HIVEP3: variants seen among roughly 807,000 people sequenced by gnomAD.
The protein encoded by HIVEP3 is HIVEP zinc finger 3.
HIVEP3 carries 49 observed loss-of-function variants against 152.8 expected under a neutral mutation model. The observed-to-expected ratio is 0.32, with a 90% CI of 0.26 to 0.41. The LOEUF (loss-of-function observed/expected upper bound fraction) is 0.41. Among genes scored for constraint, HIVEP3 ranks in the 10% least tolerant of loss-of-function variants. HIVEP3 has a pLI of 1.00. For synonymous variants in HIVEP3, 1,269 were observed against 1,289.0 expected (o/e 0.98, Z 0.33); for missense variants, 2,790 against 3,103.3 (o/e 0.90, Z 2.40).
chr1:41,712,745 C>CGGCA (rs1290130636), intron 1 of HIVEP3, among the ~76,000 whole-genome samples: 28 of 152,312 alleles, frequency 1.8e-4, no homozygotes, highest in African/African-American at 6.7e-4. Context: ...CTGCATGGCC[C>CGGCA]GGCAGCCCCT....
chr1:41,868,395 T>A (rs1052326901), intron 1 of HIVEP3, among the ~76,000 whole-genome samples: 2 of 152,076 alleles, frequency 1.3e-5, no homozygotes, highest in African/African-American at 4.8e-5. Context: ...ACACTGTGTA[T>A]CAATTTGCAC....
Position 41,581,204 on chromosome 1 carries a change from C to A in HIVEP3, c.3594G>T (p.Leu1198=). Residue 1198 remains leucine (L), a synonymous_variant, in exon 4 of 9, where the codon CTG becomes CTT. Transcript: ENST00000372583. This position sits in a 1 kb window ranked among gnomAD's most constrained non-coding sequence, Gnocchi z 4.5. Reference sequence around the variant, plus strand: ...GGGGGAGATGGAGTTGGCCTGGGTGCAGAACAGTAGGCTGGAGAGGAAGCG... The same window carrying A: ...GGGGGAGATGGAGTTGGCCTGGGTGAAGAACAGTAGGCTGGAGAGGAAGCG... The part of the protein sequence containing the change: ...APPLPLQPTV[L]HPGQLHLPQL... 1.9e-6 allele frequency: 3 copies of A among 1,562,166 alleles called. No homozygotes were observed. Among genetic ancestry groups the A allele is most frequent in the Non-Finnish European group, 2.6e-6 (3 of 1,154,282 alleles).
At chr1:41,910,230 G>A (rs541552211) in intron 1 of HIVEP3, among the ~76,000 whole-genome samples, 2 of 151,786 alleles carry the variant, frequency 1.3e-5, no homozygotes, top group East Asian at 1.9e-4. Flanking sequence ...ATGAAAAGTG[G>A]ACATAACCAC....
chr1:42,011,252 T>C (rs1182508575), intron 1 of HIVEP3, among the ~76,000 whole-genome samples: 3 of 152,206 alleles, frequency 2.0e-5, no homozygotes, highest in African/African-American at 7.2e-5. Flanking sequence ...TTCAATTCTT[T>C]TGACAATGTA....
At chr1:41,644,156 G>C (rs1020652034) in intron 2 of HIVEP3, among the ~76,000 whole-genome samples, 1 of 152,038 alleles carries the variant, frequency 6.6e-6, no homozygotes, top group African/African-American at 2.4e-5. Flanking sequence ...AAAGTGCTGG[G>C]ATTACAGGTG....
In HIVEP3 at chr1:41,513,630, T is replaced by A; in HGVS notation, c.5591A>T (p.Asp1864Val). The A allele has an allele frequency of 6.2e-7, 1 of 1,613,996 alleles. No homozygotes were observed. Among genetic ancestry groups the A allele is most frequent in the Non-Finnish European group, 8.5e-7 (1 of 1,180,008 alleles). The change falls in exon 8 of 9, where the codon GAT becomes GTT. Residue 1864 changes from aspartate (D) to valine (V), a missense_variant. Physicochemically the swap from Asp to Val is radical, Grantham distance 152. Around this residue, in one of 9 missense-constraint regions of HIVEP3, gnomAD observed 816 missense variants for 806.5 expected, o/e 1.01. Transcript: ENST00000372583. ...ATCCTGGCTCTCCTCCTCATCCTCATCCTCGTCTTCGTCCAGGTCTGAGTC... is the reference window on the plus strand; with the variant it reads ...ATCCTGGCTCTCCTCCTCATCCTCAACCTCGTCTTCGTCCAGGTCTGAGTC... ...DSDSDLDEDE[D>V]EDEEESQDEL...
intron 1 of HIVEP3, among the ~76,000 whole-genome samples, chr1:41,998,887 C>CTTT (rs1184823372): frequency 0.26 from 19,185 of 74,494 alleles, 4,147 homozygotes; most frequent in East Asian, 0.5. Context: ...TTTTCTCTCT[C>CTTT]TCTTTTTTTT....
In HIVEP3 at chr1:41,584,351, A is replaced by C. The variant is rs1644470159; in HGVS notation, c.447T>G (p.Ala149=). ...GAAGGTCCTCGGGGGGAATGATGGA[A>C]GCGTGGGAAGGAAGGAGCTGGCTCT... ...HPQSQLLPSH[A]SIIPPEDLPG... is the part of the protein sequence containing the mutation. The change falls in exon 4 of 9, where the codon GCT becomes GCG. Residue 149 remains alanine, a synonymous_variant. Coordinates refer to ENST00000372583, the MANE Select transcript of HIVEP3 (RefSeq NM_024503.5). This position sits in a 1 kb window ranked among gnomAD's most constrained non-coding sequence, Gnocchi z 5.2. 2 of 1,613,686 alleles carry C rather than the reference A, an allele frequency of 1.2e-6. No homozygotes were observed. The highest frequency in any genetic ancestry group is 1.7e-6 in the Non-Finnish European group (2 of 1,179,866).
At chr1:41,764,807 C>T (rs80033065) in intron 1 of HIVEP3, among the ~76,000 whole-genome samples, 4,007 of 152,246 alleles carry the variant, frequency 0.026, 237 homozygotes, top group Admixed American at 0.15. Flanking sequence ...TTTGACAATC[C>T]GTCAGCTGAG....
chr1:41,758,671 G>T (rs993278482), intron 1 of HIVEP3, among the ~76,000 whole-genome samples: 2 of 152,196 alleles, frequency 1.3e-5, no homozygotes, highest in African/African-American at 4.8e-5. Flanking sequence ...TACATTGTGG[G>T]GTTTGGGAAC....
chr1:41,928,359 TTTTTTC>T (rs1362918210), intron 1 of HIVEP3, among the ~76,000 whole-genome samples: 1 of 152,134 alleles, frequency 6.6e-6, no homozygotes, highest in Non-Finnish European at 1.5e-5. Flanking sequence ...TCTCCCTACT[TTTTTTC>T]TTTTTATTTT....
Position 41,581,209 on chromosome 1 carries a change from C to T in HIVEP3, c.3589G>A (p.Val1197Ile), listed in dbSNP as rs921132495. 1 of 1,568,184 alleles carries T rather than the reference C, an allele frequency of 6.4e-7. No individual in the cohort carries two copies. The highest frequency in any genetic ancestry group is 8.6e-7 in the Non-Finnish European group (1 of 1,157,200). ...AGATGGAGTTGGCCTGGGTGCAGAA[C>T]AGTAGGCTGGAGAGGAAGCGGTGGG... ...QAPPLPLQPT[V>I]LHPGQLHLPQ... The change falls in exon 4 of 9, where the codon GTT becomes ATT. Residue 1197 changes from valine to isoleucine, a missense_variant. By Grantham distance (29) the Val-to-Ile change is conservative (BLOSUM62 3). Around this residue, in one of 9 missense-constraint regions of HIVEP3, gnomAD observed 1,078 missense variants for 1,165.3 expected, o/e 0.93. Transcript: ENST00000372583. This position sits in a 1 kb window ranked among gnomAD's most constrained non-coding sequence, Gnocchi z 4.5.
chr1:41,715,607 A>G (rs559846961), intron 1 of HIVEP3, among the ~76,000 whole-genome samples: 9 of 152,356 alleles, frequency 5.9e-5, no homozygotes, highest in Admixed American at 5.2e-4. Flanking sequence ...TGGTATTTTT[A>G]CTGTGTCATG....
intron 1 of HIVEP3, among the ~76,000 whole-genome samples, chr1:41,752,721 T>A (rs1014883543): frequency 3.9e-5 from 6 of 152,236 alleles, no homozygotes; most frequent in Admixed American, 6.5e-5. Flanking sequence ...TCTGAGGCAC[T>A]CTCAGTTTGA....
Position 41,638,256 on chromosome 1 carries a change from G to GAGAAAGAAAGAAAGAA in HIVEP3, c.-720-9325_-720-9310dup, listed in dbSNP as rs61470609. Among the ~76,000 whole-genome samples, 431 of 120,674 alleles carry GAGAAAGAAAGAAAGAA rather than the reference G, an allele frequency of 3.6e-3. 2 individuals are homozygous for GAGAAAGAAAGAAAGAA. The highest frequency in any genetic ancestry group is 6.7e-3 in the South Asian group (23 of 3,440). The allele number at this position is 120,674 out of a possible 152,430, so 79.2% of individuals were successfully genotyped here. On this transcript the variant is annotated intron_variant, in intron 2 of 8. Coordinates refer to ENST00000372583, the MANE Select transcript of HIVEP3 (RefSeq NM_024503.5). ...AGAGACAGAGAAATAAAGAAAGAGAGAGAAAGAAAGAAAGAAAGAAAGAAA... is the reference window on the plus strand; with the variant it reads ...AGAGACAGAGAAATAAAGAAAGAGAGAGAAAGAAAGAAAGAAAGAAAGAAAGAAAGAAAGAAAGAAA...
At chr1:41,919,176 CATAA>C (rs1178186734), upstream of HIVEP3, among the ~76,000 whole-genome samples, 10 of 152,032 alleles carry the variant, frequency 6.6e-5, no homozygotes, top group South Asian at 2.1e-4. Context: ...AAATGCAAGT[CATAA>C]ATATTTATTG....
intron 1 of HIVEP3, among the ~76,000 whole-genome samples, chr1:42,023,819 G>A (rs1645567687): frequency 6.6e-6 from 1 of 152,156 alleles, no homozygotes; most frequent in Admixed American, 6.6e-5. Flanking sequence ...AAATTACCCA[G>A]TCTAAGGACA....
chr1:41,657,538 C>G (rs150811296), intron 2 of HIVEP3, among the ~76,000 whole-genome samples: 53 of 152,332 alleles, frequency 3.5e-4, no homozygotes, highest in African/African-American at 1.2e-3. Flanking sequence ...CCTTTGGGAG[C>G]AGCTGATTCA....
At chr1:41,555,571 T>C (rs957824155) in intron 5 of HIVEP3, among the ~76,000 whole-genome samples, 1 of 152,250 alleles carries the variant, frequency 6.6e-6, no homozygotes, top group Non-Finnish European at 1.5e-5. Flanking sequence ...TCACCCGTCT[T>C]CTGCGTCGAT....
Sources: allele counts gnomAD v4.1 joint callset (sites outside exome capture counted in the v4.1 genomes callset), GRCh38; gene constraint gnomAD v4.1.1; regional missense constraint gnomAD v4.1.1; non-coding constraint Gnocchi (gnomAD v3.1); transcripts MANE v1.5; gene names NCBI Gene and HGNC (gene_info 2026-07-23, HGNC 2026-07-21).